The following HMGXB4 variants were observed in gnomAD, a reference collection of about 807,000 sequenced individuals.
HMGXB4 encodes HMG domain-containing protein 4.
In HMGXB4, 27 loss-of-function variants were observed where a neutral mutation model predicts 63.9. That is an observed-to-expected ratio of 0.42 (90% CI 0.31 to 0.58). HMGXB4 has a LOEUF of 0.58. Ranked by LOEUF, HMGXB4 falls within the 20% of genes least tolerant of loss-of-function variation. The pLI is 0.13. For missense variants in HMGXB4, 624 were observed against 700.7 expected, an observed-to-expected ratio of 0.89 and a Z score of 1.24; for synonymous variants, 264 against 265.3, an observed-to-expected ratio of 0.99 and a Z score of 0.05.
Position 35,264,871 on chromosome 22 carries a change from A to C in HMGXB4, c.483A>C (p.Leu161=). 6.2e-7 allele frequency: 1 copy of C among 1,614,114 alleles called. No individual in the cohort carries two copies. Among genetic ancestry groups the C allele is most frequent in the Non-Finnish European group, 8.5e-7 (1 of 1,179,966 alleles). The stretch of plus-strand genomic sequence containing the variant: ...GTGGAAGCAGTGGGGAACTACCCCT[A>C]GAGGATGGTGGCTCCCACAAATCGA... ...KVSGSSGELP[L]EDGGSHKSKK... The change falls in exon 5 of 11, where the codon CTA becomes CTC. Residue 161 remains leucine (L), a synonymous_variant. Coordinates refer to ENST00000216106, the MANE Select transcript of HMGXB4 (RefSeq NM_001003681.3).
chr22:35,257,401 C>A (rs1922475384), upstream of HMGXB4: 1 of 152,702 alleles, frequency 6.5e-6, no homozygotes, highest in Non-Finnish European at 1.5e-5. Context: ...TTATTCGATG[C>A]GCTCGGCGCT....
intron 2 of HMGXB4, 33 bp downstream of exon 2, chr22:35,262,454 G>C: frequency 1.2e-6 from 2 of 1,602,438 alleles, no homozygotes; most frequent in Non-Finnish European, 1.7e-6. Flanking sequence ...GCATTCCAAA[G>C]GGGGTATCCT....
chr22:35,274,702 A>G (rs73883587), intron 5 of HMGXB4, among the ~76,000 whole-genome samples: 1,583 of 152,380 alleles, frequency 0.01, 27 homozygotes, highest in African/African-American at 0.036. Context: ...ATATACAGAA[A>G]GTGGTTAAAT....
At chr22:35,263,929 CGGGGTA>C in intron 4 of HMGXB4, 55 bp downstream of exon 4, 1 of 1,595,998 alleles carries the variant, frequency 6.3e-7, no homozygotes, top group Non-Finnish European at 8.6e-7. Context: ...TTCTTGGAGT[CGGGGTA>C]GGGGAAAGGG....
At chr22:35,264,222 C>T in intron 4 of HMGXB4, 5 of 504,586 alleles carry the variant, frequency 9.9e-6, no homozygotes, top group Middle Eastern at 6.0e-4. Flanking sequence ...TATATATCCA[C>T]TCACAGAACC....
At chr22:35,262,889 C>T in intron 2 of HMGXB4, 189 bp from the exon 3 acceptor site, 3 of 613,380 alleles carry the variant, frequency 4.9e-6, no homozygotes, top group South Asian at 4.1e-5. Context: ...AGGTTTGATT[C>T]TTGTATTTGC....
At chr22:35,262,544 C>A in intron 2 of HMGXB4, 123 bp downstream of exon 2, 2 of 999,728 alleles carry the variant, frequency 2.0e-6, no homozygotes, top group Non-Finnish European at 3.1e-6. Flanking sequence ...GTCCAGAGCA[C>A]TGTTATGACA....
intron 9 of HMGXB4, 90 bp downstream of exon 9, chr22:35,288,497 T>C: frequency 9.9e-7 from 1 of 1,012,334 alleles, no homozygotes; most frequent in Non-Finnish European, 1.4e-6. Context: ...ATACATGTAT[T>C]GAGCATCTAC....
chr22:35,272,006 G>A (rs956134905), intron 5 of HMGXB4, among the ~76,000 whole-genome samples: 2 of 152,192 alleles, frequency 1.3e-5, no homozygotes, highest in East Asian at 1.9e-4. Flanking sequence ...CATCTCAGTG[G>A]CAATGGAAGT....
At position 35,295,544 on chromosome 22, in the gene HMGXB4, T is replaced by C. The variant is rs1388359435; in HGVS notation, c.*1893T>C. 1 of 152,658 alleles carries C rather than the reference T, an allele frequency of 6.6e-6. No individual in the cohort carries two copies. The highest frequency in any genetic ancestry group is 1.5e-5 in the Non-Finnish European group (1 of 68,042). The allele number at this position is 152,658 out of a possible 1,614,324, so 9.5% of individuals were successfully genotyped here. On this transcript the variant is annotated 3_prime_UTR_variant, in exon 11 of 11. Coordinates refer to ENST00000216106, the MANE Select transcript of HMGXB4 (RefSeq NM_001003681.3). ...TAATGAAATCCTGATGAGGACCTGC[T>C]TTTTGTTTGTTTTCCTTTGAAACCC...
At chr22:35,257,840 C>T (rs1316401930) in intron 1 of HMGXB4, among the ~76,000 whole-genome samples, 3 of 151,868 alleles carry the variant, frequency 2.0e-5, no homozygotes, top group Non-Finnish European at 2.9e-5. Flanking sequence ...GCGGCCGCCC[C>T]GGGGGCCTGC....
intron 9 of HMGXB4, among the ~76,000 whole-genome samples, chr22:35,290,618 G>A (rs1417065810): frequency 1.4e-4 from 18 of 127,564 alleles, no homozygotes; most frequent in African/African-American, 4.0e-4. Context: ...GCGACGGAGC[G>A]AGACTCCGCC....
intron 5 of HMGXB4, among the ~76,000 whole-genome samples, chr22:35,277,838 G>A (rs1031981231): frequency 6.6e-6 from 1 of 152,126 alleles, no homozygotes; most frequent in East Asian, 1.9e-4. Context: ...TGTTACAACT[G>A]ATGAACCTAC....
Position 35,264,807 on chromosome 22 carries a change from A to T in HMGXB4, c.419A>T (p.His140Leu). The T allele has an allele frequency of 4.3e-6, 7 of 1,614,204 alleles. No individual in the cohort carries two copies. Among genetic ancestry groups the T allele is most frequent in the Non-Finnish European group, 5.9e-6 (7 of 1,180,034 alleles). ...GAGAAATCCTCTGGCTCTTCAAGCC[A>T]TTCGGAGAGTAAAAAGGAGCACCAC... ...TGEKSSGSSS[H>L]SESKKEHHRK... Residue 140 changes from histidine (H) to leucine (L), a missense_variant, in exon 5 of 11, where the codon CAT becomes CTT. By Grantham distance (99) the His-to-Leu change is moderately conservative. Transcript: ENST00000216106.
chr22:35,273,809 G>A (rs1348876885), intron 5 of HMGXB4, among the ~76,000 whole-genome samples: 1 of 152,168 alleles, frequency 6.6e-6, no homozygotes, highest in Admixed American at 6.5e-5. Context: ...TCATTGGAGA[G>A]CTTCATCGTC....
At chr22:35,246,340 T>G in the HMGXB4 span, among the ~76,000 whole-genome samples, 1 of 152,082 alleles carries the variant, frequency 6.6e-6, no homozygotes, top group Non-Finnish European at 1.5e-5. Context: ...AGTGGCACGA[T>G]CTCGGCTCAC....
intron 5 of HMGXB4, among the ~76,000 whole-genome samples, chr22:35,273,291 A>T (rs957455270): frequency 1.3e-5 from 2 of 152,224 alleles, no homozygotes; most frequent in Admixed American, 6.5e-5. Flanking sequence ...AAGAAGCTAT[A>T]ATCTTTCCAC....
In HMGXB4 at chr22:35,286,647, G is replaced by A. The variant is rs1397586421; in HGVS notation, c.1362+586G>A. Among the ~76,000 whole-genome samples the A allele has an allele frequency of 2.0e-5, 3 of 152,102 alleles. No individual in the cohort carries two copies. The East Asian group carries it at 5.8e-4, about 29-fold the overall frequency. On this transcript the variant is annotated intron_variant, in intron 7 of 10. Transcript: ENST00000216106. ...GTGGATCACCTGAGGTCAGGAGTTC[G>A]AGACAAGCCTGGCTAACATGGTGAA...
rs945352698 is a variant in HMGXB4, at chr22:35,294,293, C to T, written c.*642C>T. 2 of 152,408 alleles carry T rather than the reference C, an allele frequency of 1.3e-5. No individual in the cohort carries two copies. The highest frequency in any genetic ancestry group is 6.5e-5 in the Admixed American group (1 of 15,270). The allele number at this position is 152,408 out of a possible 1,614,324, so 9.4% of individuals were successfully genotyped here. On this transcript the variant is annotated 3_prime_UTR_variant, in exon 11 of 11. Transcript: ENST00000216106. ...TCATTGGTACCATTGGTGGCCTCAA[C>T]AGAGGCCAAGGAGTTCTGTGAGCCC... is the stretch of plus-strand genomic sequence containing the variant.
Sources: allele counts gnomAD v4.1 joint callset (sites outside exome capture counted in the v4.1 genomes callset), GRCh38; gene constraint gnomAD v4.1.1; transcripts MANE v1.5; gene names NCBI Gene and HGNC (gene_info 2026-07-23, HGNC 2026-07-21).